AOPEP: variants seen among roughly 807,000 people sequenced by gnomAD.
AOPEP encodes aminopeptidase O (putative).
Under a neutral mutation model 98.1 loss-of-function variants are expected in AOPEP, and 77 were observed. The ratio of observed to expected loss-of-function variants is 0.78; its 90% CI spans 0.65 to 0.95. The LOEUF (loss-of-function observed/expected upper bound fraction) is 0.95. AOPEP is among the 40% of genes least tolerant of loss of function. The pLI is 0.00. For missense variants in AOPEP, 1,024 were observed against 1,024.7 expected (o/e 1.00, Z 0.01); for synonymous variants, 346 against 365.3 (o/e 0.95, Z 0.60).
intron 5 of AOPEP, among the ~76,000 whole-genome samples, chr9:94,842,714 A>G (rs1369959974): frequency 6.6e-6 from 1 of 152,208 alleles, no homozygotes; most frequent in African/African-American, 2.4e-5. Context: ...AAATTATTTT[A>G]GAGCAAGATT....
chr9:94,735,785 C>A (rs903261026), intron 1 of AOPEP, among the ~76,000 whole-genome samples: 12 of 152,274 alleles, frequency 7.9e-5, no homozygotes, highest in East Asian at 3.9e-4. Flanking sequence ...ATATTTCCAT[C>A]ATTCCTCAAG....
intron 1 of AOPEP, among the ~76,000 whole-genome samples, chr9:94,739,393 C>T (rs1311028349): frequency 1.3e-5 from 2 of 152,070 alleles, no homozygotes; most frequent in East Asian, 3.9e-4. Context: ...GCCTGTAATC[C>T]CAGCACTTTG....
chr9:95,088,221 T>C (rs899750060), downstream of AOPEP, among the ~76,000 whole-genome samples: 90 of 152,088 alleles, frequency 5.9e-4, no homozygotes, highest in African/African-American at 2.1e-3. Context: ...TTCCTTCCTT[T>C]CTTTTTTTTG....
At chr9:94,772,427 T>C (rs911298298) in intron 2 of AOPEP, among the ~76,000 whole-genome samples, 1 of 152,196 alleles carries the variant, frequency 6.6e-6, no homozygotes, top group Non-Finnish European at 1.5e-5. Flanking sequence ...ATCACAAGCC[T>C]GGTTGTTGTG....
At chr9:95,045,089 C>T (rs75020412) in intron 13 of AOPEP, among the ~76,000 whole-genome samples, 3 of 152,322 alleles carry the variant, frequency 2.0e-5, no homozygotes, top group Admixed American at 6.5e-5. Context: ...GAGAGTTGGG[C>T]GTCACAGCGC....
At chr9:95,014,028 GTAGA>G in intron 13 of AOPEP, among the ~76,000 whole-genome samples, 1 of 152,286 alleles carries the variant, frequency 6.6e-6, no homozygotes, top group African/African-American at 2.4e-5. Context: ...CTTGCTCACA[GTAGA>G]TATGAAGCCA....
intron 16 of AOPEP, chr9:95,086,402 CAGTT>C (rs1485371429): frequency 2.0e-6 from 2 of 985,158 alleles, no homozygotes; most frequent in Admixed American, 1.2e-4. Flanking sequence ...TTTCTGAGAA[CAGTT>C]AGAGTGGGTG....
At chr9:95,112,433 C>T in the AOPEP span, among the ~76,000 whole-genome samples, 3 of 152,292 alleles carry the variant, frequency 2.0e-5, no homozygotes, top group African/African-American at 7.2e-5. Context: ...GCACTGTCCT[C>T]GCCTCCCTGG....
chr9:95,006,656 C>T (rs892669494), intron 13 of AOPEP, among the ~76,000 whole-genome samples: 1 of 152,060 alleles, frequency 6.6e-6, no homozygotes, highest in Admixed American at 6.5e-5. Flanking sequence ...GGGGACCCCA[C>T]CCCTTTTCTT....
chr9:94,877,915 G>A lies in AOPEP; in HGVS notation c.1365-46071G>A, dbSNP rs186208204. 1.8e-3 allele frequency among the ~76,000 whole-genome samples: 275 copies of A among 152,292 alleles called. 2 individuals are homozygous for A. The highest frequency in any genetic ancestry group is 6.4e-3 in the African/African-American group (265 of 41,562). On this transcript the variant is annotated intron_variant, in intron 5 of 16. Transcript: ENST00000375315. ...AAAGTGCTGTTTCTAGCGAGTGCAG[G>A]AAAGCAAATGAAGCAGTCATTTTTA... is the stretch of plus-strand genomic sequence containing the variant.
chr9:94,798,913 C>T (rs1847629534), intron 4 of AOPEP, among the ~76,000 whole-genome samples: 1 of 152,242 alleles, frequency 6.6e-6, no homozygotes, highest in African/African-American at 2.4e-5. Context: ...GACTCACTCT[C>T]TCCACAAAGC....
chr9:94,885,429 C>T (rs774086664), intron 5 of AOPEP, among the ~76,000 whole-genome samples: 26 of 96,328 alleles, frequency 2.7e-4, no homozygotes, highest in Non-Finnish European at 2.3e-4. Context: ...CTGAAAAATA[C>T]AAATATATCC....
chr9:94,877,365 G>A (rs1181870603), intron 5 of AOPEP, among the ~76,000 whole-genome samples: 1 of 151,924 alleles, frequency 6.6e-6, no homozygotes, highest in Non-Finnish European at 1.5e-5. Context: ...TTTATAGCAT[G>A]CGGTAAGGGT....
At chr9:95,126,791 T>TA in the AOPEP span, 3 of 576,496 alleles carry the variant, frequency 5.2e-6, no homozygotes, top group Non-Finnish European at 9.4e-6. Context: ...TACAGGCAGC[T>TA]TATTCCTCTG....
the AOPEP span, chr9:95,126,762 G>A: frequency 1.1e-5 from 7 of 633,864 alleles, no homozygotes; most frequent in South Asian, 1.2e-4. Context: ...TGCATACGGT[G>A]GTCTCCCTGG....
chr9:95,098,684 C>T, the AOPEP span, among the ~76,000 whole-genome samples: 2 of 152,172 alleles, frequency 1.3e-5, no homozygotes, highest in African/African-American at 4.8e-5. Flanking sequence ...AGCAACGGAG[C>T]GAGCAAGAGT....
At chr9:94,780,281 G>T (rs1328964580) in intron 3 of AOPEP, among the ~76,000 whole-genome samples, 1 of 152,132 alleles carries the variant, frequency 6.6e-6, no homozygotes, top group African/African-American at 2.4e-5. Context: ...TCTATTTGAA[G>T]ATTATTATCA....
intron 5 of AOPEP, among the ~76,000 whole-genome samples, chr9:94,819,498 A>G (rs1399367150): frequency 6.6e-6 from 1 of 152,202 alleles, no homozygotes; most frequent in Non-Finnish European, 1.5e-5. Flanking sequence ...AGCATTTTGT[A>G]AATAGTAACT....
intron 10 of AOPEP, among the ~76,000 whole-genome samples, chr9:94,977,413 G>A (rs964244714): frequency 2.0e-5 from 3 of 151,962 alleles, no homozygotes; most frequent in South Asian, 2.1e-4. Context: ...TTTTCTTCTC[G>A]GATCTTCTTC....
Sources: gnomAD v4.1 joint callset for allele counts (sites outside exome capture counted in the v4.1 genomes callset) on GRCh38, gnomAD v4.1.1 for gene constraint, MANE v1.5 for transcripts, NCBI Gene and HGNC (gene_info 2026-07-23, HGNC 2026-07-21) for gene names.